Variants in ARNT observed in about 807,000 individuals in gnomAD.
ARNT encodes the protein class E basic helix-loop-helix protein 2.
In ARNT, 30 loss-of-function variants were observed where a neutral mutation model predicts 105.0. The ratio of observed to expected loss-of-function variants is 0.29; its 90% CI spans 0.21 to 0.39. ARNT has a LOEUF of 0.39. ARNT is among the 10% of genes least tolerant of loss of function. The pLI, the probability that ARNT is intolerant of heterozygous loss-of-function variation, is 1.00. For missense variants in ARNT, 748 were observed against 978.7 expected (o/e 0.76, Z 3.15); for synonymous variants, 304 against 344.0 (o/e 0.88, Z 1.29).
At chr1:150,855,045 C>T (rs185133625) in intron 2 of ARNT, among the ~76,000 whole-genome samples, 1 of 152,180 alleles carries the variant, frequency 6.6e-6, no homozygotes, top group African/African-American at 2.4e-5. Flanking sequence ...ATCCTCCTAC[C>T]TCAGCCTCCC....
chr1:150,817,476 ATT>A (rs201943984), intron 15 of ARNT, 43 bp from the exon 16 acceptor site: 1 of 1,582,140 alleles, frequency 6.3e-7, no homozygotes, highest in Non-Finnish European at 8.6e-7. Context: ...AGAAAAAAAA[ATT>A]TTTTTTAAAA....
chr1:150,856,854 G>A (rs1276302133), intron 2 of ARNT, among the ~76,000 whole-genome samples: 1 of 152,150 alleles, frequency 6.6e-6, no homozygotes, highest in Non-Finnish European at 1.5e-5. Flanking sequence ...CAGTACTTTG[G>A]GAGGCCAAGG....
intron 6 of ARNT, among the ~76,000 whole-genome samples, chr1:150,838,728 A>T (rs141872596): frequency 6.6e-6 from 1 of 152,222 alleles, no homozygotes; most frequent in Non-Finnish European, 1.5e-5. Flanking sequence ...TTTAATAACC[A>T]AAACAGAACA....
Position 150,816,808 on chromosome 1 carries a change from G to C in ARNT, c.1782C>G (p.Pro594=), listed in dbSNP as rs200813074. 4.4e-6 allele frequency: 7 copies of C among 1,582,894 alleles called. No individual in the cohort carries two copies. Among genetic ancestry groups the C allele is most frequent in the Non-Finnish European group, 6.0e-6 (7 of 1,172,294 alleles). Residue 594 remains proline (P), a synonymous_variant, in exon 18 of 22, where the codon CCC becomes CCG. Coordinates refer to ENST00000358595, the MANE Select transcript of ARNT (RefSeq NM_001668.4). ...CTCACCTGAAATTCTCTGCCGGCCG[G>C]GGGGTAGGAGGGAATGTGTTGCCCT... ...FSQGNTFPPT[P]RPAENFRNSG...
At position 150,811,035 on chromosome 1, in the gene ARNT, C is replaced by T. The variant is rs1654623213; in HGVS notation, c.*986G>A. The T allele has an allele frequency of 4.3e-6, 1 of 231,452 alleles. No individual in the cohort carries two copies. Among genetic ancestry groups the T allele is most frequent in the Non-Finnish European group, 8.6e-6 (1 of 116,672 alleles). The allele number at this position is 231,452 out of a possible 1,614,324, so 14.3% of individuals were successfully genotyped here. On this transcript the variant is annotated 3_prime_UTR_variant, in exon 22 of 22. Coordinates refer to ENST00000358595, the MANE Select transcript of ARNT (RefSeq NM_001668.4). ...GCAGAAATAACCTCTACAGAACACACATCATATGTGATTCTGACAGAAAAA... is the reference window on the plus strand; with the variant it reads ...GCAGAAATAACCTCTACAGAACACATATCATATGTGATTCTGACAGAAAAA...
intron 1 of ARNT, among the ~76,000 whole-genome samples, chr1:150,863,902 T>G (rs1018537511): frequency 1.1e-4 from 17 of 152,038 alleles, no homozygotes; most frequent in African/African-American, 4.1e-4. Context: ...GAAAATACAG[T>G]TATGTATCAC....
rs781571501 is a variant in ARNT, at chr1:150,823,322, C to T, written c.1266G>A (p.Val422=). ...ACCGGAACCGGAACATGACAGACAG[C>T]ACTTGGCCTTTTAATTTCACTACCT... ...FQQVVKLKGQ[V]LSVMFRFRSK... Residue 422 remains valine (V), a synonymous_variant, in exon 14 of 22, where the codon GTG becomes GTA. Coordinates refer to ENST00000358595, the MANE Select transcript of ARNT (RefSeq NM_001668.4). The T allele has an allele frequency of 6.2e-7, 1 of 1,605,558 alleles. No individual in the cohort carries two copies. Among genetic ancestry groups the T allele is most frequent in the South Asian group, 1.1e-5 (1 of 89,680 alleles).
chr1:150,838,422 A>C (rs1253755730), intron 6 of ARNT, among the ~76,000 whole-genome samples: 1 of 152,240 alleles, frequency 6.6e-6, no homozygotes, highest in African/African-American at 2.4e-5. Context: ...CTCACAGCAC[A>C]ACACACCTGG....
At chr1:150,851,664 C>T (rs934590125) in intron 3 of ARNT, among the ~76,000 whole-genome samples, 5 of 151,948 alleles carry the variant, frequency 3.3e-5, no homozygotes, top group African/African-American at 4.8e-5. Context: ...AGGCAGCATG[C>T]GCATTAAGAG....
chr1:150,856,006 G>A (rs587691362), intron 2 of ARNT, among the ~76,000 whole-genome samples: 1 of 152,198 alleles, frequency 6.6e-6, no homozygotes, highest in South Asian at 2.1e-4. Context: ...AAAAGACTAG[G>A]CCATGTAAAA....
chr1:150,822,404 G>C (rs975496833), intron 14 of ARNT, among the ~76,000 whole-genome samples: 17 of 152,086 alleles, frequency 1.1e-4, no homozygotes, highest in African/African-American at 3.6e-4. Flanking sequence ...CTCATGGAGG[G>C]GAGCCGGTAC....
chr1:150,859,508 C>T (rs1557948267), intron 1 of ARNT, among the ~76,000 whole-genome samples: 1 of 151,486 alleles, frequency 6.6e-6, no homozygotes, highest in South Asian at 2.1e-4. Flanking sequence ...CACCACACCT[C>T]GGTGATTTTT....
intron 14 of ARNT, among the ~76,000 whole-genome samples, chr1:150,821,242 T>G (rs1234662623): frequency 6.6e-6 from 1 of 152,200 alleles, no homozygotes; most frequent in Non-Finnish European, 1.5e-5. Flanking sequence ...TATCAAGCAA[T>G]TCACCTTTTT....
intron 4 of ARNT, among the ~76,000 whole-genome samples, chr1:150,845,543 G>A (rs1022842203): frequency 6.6e-6 from 1 of 151,860 alleles, no homozygotes; most frequent in Admixed American, 6.6e-5. Flanking sequence ...AGGAGGCAGA[G>A]GTTACAGTGA....
chr1:150,817,332 C>T (rs770218451), intron 16 of ARNT, 29 bp downstream of exon 16: 15 of 1,611,598 alleles, frequency 9.3e-6, no homozygotes, highest in African/African-American at 2.7e-5. Context: ...ATACTCCCTA[C>T]CCTCTTCAAC....
rs963585665 is a variant in ARNT at position 150,842,607 on chromosome 1, G to T, written c.228-139C>A. On this transcript the variant is annotated intron_variant, in intron 4 of 21. Transcript: ENST00000358595. ...AAAAAAGAAAAGGAGAAAGAAGAGA[G>T]AAAAGGATATAGAACTAAACAGATG... is the stretch of plus-strand genomic sequence containing the variant. The T allele has an allele frequency of 2.9e-5, 19 of 664,836 alleles. No homozygotes were observed. In the African/African-American group the frequency reaches 3.1e-4, roughly 11 times the overall value. The allele number at this position is 664,836 out of a possible 1,614,324, so 41.2% of individuals were successfully genotyped here.
In ARNT at chr1:150,826,586, C is replaced by G. The variant is rs1400859708; in HGVS notation, c.1199G>C (p.Cys400Ser). ...TAGAAGCTGCTGGTCTTCAGGATGA[C>G]AGAATTCTACAATATTCTTTCCTAA... ...ELLGKNIVEF[C>S]HPEDQQLLRD... Residue 400 changes from cysteine to serine, a missense_variant, in exon 13 of 22, where the codon TGT becomes TCT. By Grantham distance (112) the Cys-to-Ser change is moderately radical. Around this residue, in one of 4 missense-constraint regions of ARNT, gnomAD observed 291 missense variants for 444.6 expected, o/e 0.65. Transcript: ENST00000358595. 1 of 1,612,450 alleles carries G rather than the reference C, an allele frequency of 6.2e-7. No individual in the cohort carries two copies. The highest frequency in any genetic ancestry group is 8.5e-7 in the Non-Finnish European group (1 of 1,178,996).
At chr1:150,842,739 C>T (rs1661515337) in intron 4 of ARNT, among the ~76,000 whole-genome samples, 3 of 152,100 alleles carry the variant, frequency 2.0e-5, no homozygotes, top group Admixed American at 6.6e-5. Context: ...TAAAGGTCAA[C>T]ATAAAAGCAA....
At chr1:150,832,247 G>A (rs1557883782) in intron 9 of ARNT, 87 bp downstream of exon 9, 1 of 1,409,924 alleles carries the variant, frequency 7.1e-7, no homozygotes, top group Non-Finnish European at 1.0e-6. Context: ...AGCTGCTGAA[G>A]GAACGACTAC....
Sources: allele counts gnomAD v4.1 joint callset (sites outside exome capture counted in the v4.1 genomes callset), GRCh38; gene constraint gnomAD v4.1.1; regional missense constraint gnomAD v4.1.1; transcripts MANE v1.5; gene names NCBI Gene and HGNC (gene_info 2026-07-23, HGNC 2026-07-21).